Variants in ARID4B observed in about 807,000 individuals in gnomAD.
ARID4B encodes AT-rich interactive domain-containing protein 4B.
ARID4B carries 26 observed loss-of-function variants against 147.5 expected under a neutral mutation model. That is an observed-to-expected ratio of 0.18 (90% confidence interval 0.13 to 0.24). The LOEUF (loss-of-function observed/expected upper bound fraction) is 0.24, where lower values mean the gene tolerates loss of function less well. Ranked by LOEUF, ARID4B falls within the 10% of genes least tolerant of loss-of-function variation. The probability of loss-of-function intolerance (pLI) is 1.00; values close to 1 mark genes in which losing one functional copy is unlikely to be tolerated. For synonymous variants in ARID4B, 512 were observed against 507.9 expected, an observed-to-expected ratio of 1.01 and a Z score of -0.11; for missense variants, 1,179 against 1,511.5, an observed-to-expected ratio of 0.78 and a Z score of 3.65.
chr1:235,231,302 T>C (rs1668219643), intron 9 of ARID4B, 113 bp from the exon 10 acceptor site: 6 of 601,400 alleles, frequency 1.0e-5, no homozygotes, highest in Non-Finnish European at 1.4e-5. Context: ...TATGGGAATG[T>C]TGACGTTTAC....
chr1:235,182,777 A>G lies in ARID4B; in HGVS notation c.2142T>C (p.Ala714=), dbSNP rs1664405862. 5 of 1,582,988 alleles carry G rather than the reference A, an allele frequency of 3.2e-6. No individual in the cohort carries two copies. The highest frequency in any genetic ancestry group is 4.3e-6 in the Non-Finnish European group (5 of 1,168,712). The change falls in exon 20 of 24, where the codon GCT becomes GCC. Residue 714 remains alanine (A), a synonymous_variant. Transcript: ENST00000264183. The part of the protein sequence containing the change: ...LNGLQASESS[A]EDSEQEDERG... ...TCTCATCTTCCTGCTCACTGTCTTC[A>G]GCAGAACTTTCAGAAGCTAGAAAAT...
Position 235,250,488 on chromosome 1 carries a change from T to C in ARID4B, c.354+2242A>G, listed in dbSNP as rs532413590. On this transcript the variant is annotated intron_variant, in intron 6 of 23. Coordinates refer to ENST00000264183, the MANE Select transcript of ARID4B (RefSeq NM_016374.6). ...TCAAATTTTAAAATATGTTTGATTG[T>C]TTGATTAATGCTTTTTCTCCTCCAA... Among the ~76,000 whole-genome samples the C allele has an allele frequency of 2.1e-4, 32 of 152,360 alleles. No homozygotes were observed. The South Asian group carries it at 6.6e-3, about 32-fold the overall frequency.
chr1:235,289,221 C>T (rs1672171942), intron 2 of ARID4B, among the ~76,000 whole-genome samples: 3 of 152,122 alleles, frequency 2.0e-5, no homozygotes, highest in Admixed American at 6.6e-5. Context: ...GTATGACTTA[C>T]TTCAAACAGT....
At chr1:235,231,988 C>T (rs1384160681) in intron 9 of ARID4B, among the ~76,000 whole-genome samples, 8 of 152,130 alleles carry the variant, frequency 5.3e-5, no homozygotes, top group African/African-American at 1.9e-4. Context: ...GGAGTGGTGG[C>T]ATGTGCCTGT....
chr1:235,213,640 A>G, intron 17 of ARID4B, 129 bp downstream of exon 17: 1 of 1,027,596 alleles, frequency 9.7e-7, no homozygotes, highest in Non-Finnish European at 1.4e-6. Flanking sequence ...GCTAAAAACT[A>G]TTTTTTATAA....
At chr1:235,227,645 A>G (rs1018555951) in intron 11 of ARID4B, among the ~76,000 whole-genome samples, 20 of 152,142 alleles carry the variant, frequency 1.3e-4, no homozygotes, top group Non-Finnish European at 2.5e-4. Context: ...TCAGCAAACC[A>G]TTAAAGAGTA....
At chr1:235,213,119 G>A (rs969429434) in intron 17 of ARID4B, among the ~76,000 whole-genome samples, 11 of 152,090 alleles carry the variant, frequency 7.2e-5, no homozygotes, top group African/African-American at 2.6e-4. Flanking sequence ...ATTTATCTAA[G>A]AAAAATGCTT....
chr1:235,183,766 T>C (rs1223689517), intron 19 of ARID4B, among the ~76,000 whole-genome samples: 1 of 114,168 alleles, frequency 8.8e-6, no homozygotes, highest in African/African-American at 3.4e-5. Context: ...TCCCTTCCTT[T>C]CTCTTTCCTT....
At chr1:235,242,380 C>G (rs1669046095) in intron 7 of ARID4B, among the ~76,000 whole-genome samples, 4 of 152,158 alleles carry the variant, frequency 2.6e-5, no homozygotes, top group Admixed American at 2.6e-4. Flanking sequence ...CACATAGACA[C>G]ACAGCTTGGG....
intron 12 of ARID4B, 148 bp from the exon 13 acceptor site, chr1:235,223,408 T>G: frequency 8.7e-6 from 1 of 114,504 alleles, no homozygotes; most frequent in African/African-American, 4.0e-5. Context: ...TGTGTGTATA[T>G]ATACATATAT....
In ARID4B at chr1:235,252,748, C is replaced by T. The variant is rs760015451; in HGVS notation, c.336G>A (p.Arg112=). 6.2e-7 allele frequency: 1 copy of T among 1,611,238 alleles called. No individual in the cohort carries two copies. The highest frequency in any genetic ancestry group is 2.2e-5 in the East Asian group (1 of 44,650). Residue 112 remains arginine, a synonymous_variant, in exon 6 of 24, where the codon AGG becomes AGA. Transcript: ENST00000264183. ...GACTTACTTCACTTTCAGCAAAATG[C>T]CTCTCTCCTTTCAGGCACAGTGAAG... ...RRSSLCLKGE[R]HFAESETLDQ...
At chr1:235,205,199 C>T (rs1246100298) in intron 17 of ARID4B, among the ~76,000 whole-genome samples, 1 of 151,778 alleles carries the variant, frequency 6.6e-6, no homozygotes, top group South Asian at 2.1e-4. Context: ...AACTCAAGTA[C>T]AGCAGGGATC....
intron 18 of ARID4B, 33 bp downstream of exon 18, chr1:235,195,998 A>T: frequency 2.3e-6 from 3 of 1,315,678 alleles, no homozygotes; most frequent in East Asian, 4.7e-5. Flanking sequence ...TCTTTTTAAG[A>T]GCTAATAGTG....
At chr1:235,189,399 CAAAAAAAAAA>C (rs11299121) in intron 19 of ARID4B, among the ~76,000 whole-genome samples, 3 of 58,920 alleles carry the variant, frequency 5.1e-5, no homozygotes, top group African/African-American at 8.1e-5. Flanking sequence ...GACTCAGTCT[CAAAAAAAAAA>C]AAAAAAAAAA....
intron 17 of ARID4B, among the ~76,000 whole-genome samples, chr1:235,200,767 T>C (rs1665859203): frequency 6.6e-6 from 1 of 152,196 alleles, no homozygotes. Flanking sequence ...AAATTTACCT[T>C]AGACATAATA....
chr1:235,194,345 C>G (rs1480998929), intron 18 of ARID4B, 134 bp from the exon 19 acceptor site: 9 of 723,958 alleles, frequency 1.2e-5, no homozygotes, highest in Non-Finnish European at 2.0e-5. Flanking sequence ...ACATAAGAAG[C>G]CCCTCAAAAC....
At chr1:235,273,656 T>C (rs1671131460) in intron 2 of ARID4B, among the ~76,000 whole-genome samples, 1 of 152,194 alleles carries the variant, frequency 6.6e-6, no homozygotes, top group Admixed American at 6.5e-5. Context: ...ACTGTACAAG[T>C]ATAAAACCAA....
intron 11 of ARID4B, chr1:235,229,008 G>C: frequency 2.1e-6 from 1 of 482,888 alleles, no homozygotes. Flanking sequence ...ATGTTTTTGA[G>C]GTTATTAGGA....
chr1:235,241,968 C>T (rs999082976), intron 7 of ARID4B, among the ~76,000 whole-genome samples: 1 of 151,956 alleles, frequency 6.6e-6, no homozygotes, highest in African/African-American at 2.4e-5. Flanking sequence ...AATAGAAGTA[C>T]TGTACTTTGG....
Sources: allele counts gnomAD v4.1 joint callset (sites outside exome capture counted in the v4.1 genomes callset), GRCh38; gene constraint gnomAD v4.1.1; transcripts MANE v1.5; gene names NCBI Gene and HGNC (gene_info 2026-07-23, HGNC 2026-07-21).